ANOS1: variants seen among roughly 807,000 people sequenced by gnomAD.
ANOS1 encodes anosmin-1.
A neutral mutation model predicts 59.0 loss-of-function variants in ANOS1; 6 were observed. The ratio of observed to expected loss-of-function variants is 0.10; its 90% CI spans 0.06 to 0.20. The LOEUF is 0.20. Ranked by LOEUF, ANOS1 falls within the 10% of genes least tolerant of loss-of-function variation. The pLI, the probability that ANOS1 is intolerant of heterozygous loss-of-function variation, is 1.00. For missense variants in ANOS1, 433 were observed against 542.3 expected (o/e 0.80, Z 2.00); for synonymous variants, 217 against 223.4 (o/e 0.97, Z 0.25).
chrX:8,666,684 C>T (rs1358262407), intron 2 of ANOS1, among the ~76,000 whole-genome samples: 3 of 112,308 alleles, frequency 2.7e-5, no homozygotes, highest in Non-Finnish European at 5.6e-5. Context: ...GCTCCACATT[C>T]CCCACATGCC....
At chrX:8,724,325 C>T (rs1382988699) in intron 1 of ANOS1, among the ~76,000 whole-genome samples, 2 of 111,406 alleles carry the variant, frequency 1.8e-5, no homozygotes, top group Non-Finnish European at 3.8e-5. Context: ...TGGGGTTTCT[C>T]GGACATGAGG....
chrX:8,629,461 TAA>T (rs1016457180), intron 2 of ANOS1, among the ~76,000 whole-genome samples: 13 of 111,448 alleles, frequency 1.2e-4, no homozygotes, highest in African/African-American at 4.2e-4. Flanking sequence ...ACAATGTATA[TAA>T]AAGATATCTG....
At chrX:8,583,122 CTTTT>C (rs35726224) in intron 6 of ANOS1, among the ~76,000 whole-genome samples, 1 of 95,791 alleles carries the variant, frequency 1.0e-5, no homozygotes, top group South Asian at 5.0e-4. Context: ...TGCTTTTGGC[CTTTT>C]TTTTTTTTTT....
intron 9 of ANOS1, among the ~76,000 whole-genome samples, chrX:8,551,919 G>A (rs763138762): frequency 8.9e-5 from 10 of 112,680 alleles, no homozygotes; most frequent in Non-Finnish European, 1.7e-4. Flanking sequence ...GTTGCAGTGA[G>A]CTGAGATCGT....
intron 2 of ANOS1, among the ~76,000 whole-genome samples, chrX:8,627,292 C>T (rs894918202): frequency 1.8e-5 from 2 of 112,422 alleles, no homozygotes; most frequent in African/African-American, 3.2e-5. Context: ...CTATAGATAT[C>T]GGTGCACAAA....
At chrX:8,655,508 C>T (rs1023448963) in intron 2 of ANOS1, among the ~76,000 whole-genome samples, 6 of 111,333 alleles carry the variant, frequency 5.4e-5, no homozygotes, top group Non-Finnish European at 7.5e-5. Context: ...ATTAGGGGTC[C>T]GAGGCCCTAG....
At chrX:8,579,416 T>A (rs1437795650) in intron 6 of ANOS1, among the ~76,000 whole-genome samples, 2 of 112,443 alleles carry the variant, frequency 1.8e-5, no homozygotes, top group Non-Finnish European at 1.9e-5. Context: ...ATTAACTTTG[T>A]ACCATAGAGG....
chrX:8,650,490 G>A (rs1038452708), intron 2 of ANOS1, among the ~76,000 whole-genome samples: 11 of 112,078 alleles, frequency 9.8e-5, no homozygotes, highest in Non-Finnish European at 1.9e-4. Flanking sequence ...GGCCAAGGTG[G>A]GCGGATCACT....
chrX:8,554,219 G>A (rs748303459), intron 8 of ANOS1, 121 bp from the exon 9 acceptor site: 32 of 567,467 alleles, frequency 5.6e-5, no homozygotes, highest in South Asian at 5.4e-4. Context: ...CAGAAGGCGG[G>A]TGATTTCTCT....
At chrX:8,548,969 T>A (rs764960387) in intron 9 of ANOS1, among the ~76,000 whole-genome samples, 1 of 111,962 alleles carries the variant, frequency 8.9e-6, no homozygotes, top group African/African-American at 3.2e-5. Flanking sequence ...CTAGTTTACC[T>A]CCGTCACATG....
At chrX:8,638,991 G>C (rs1601997758) in intron 2 of ANOS1, among the ~76,000 whole-genome samples, 1 of 111,348 alleles carries the variant, frequency 9.0e-6, no homozygotes, top group East Asian at 2.8e-4. Flanking sequence ...AGAGAGAAAG[G>C]ACCTAGCTTT....
At chrX:8,707,103 T>C (rs1187238019) in intron 1 of ANOS1, among the ~76,000 whole-genome samples, 1 of 111,612 alleles carries the variant, frequency 9.0e-6, no homozygotes, top group Non-Finnish European at 1.9e-5. Context: ...GTGCAAATTA[T>C]GTGTGTTGTT....
chrX:8,661,899 T>A (rs1303778122), intron 2 of ANOS1, among the ~76,000 whole-genome samples: 1 of 110,637 alleles, frequency 9.0e-6, no homozygotes, highest in Non-Finnish European at 1.9e-5. Context: ...CAGGAGCACA[T>A]CCTCTCGGGG....
chrX:8,659,298 C>T (rs1165738310), intron 2 of ANOS1, among the ~76,000 whole-genome samples: 1 of 110,568 alleles, frequency 9.0e-6, no homozygotes, highest in African/African-American at 3.3e-5. Context: ...GTAGTCTCAG[C>T]TACTCTGGAG....
At position 8,732,093 on chromosome X, in the gene ANOS1, C is replaced by G. The variant is rs1040867318; in HGVS notation, c.-57G>C. 8.3e-6 allele frequency: 7 copies of G among 845,835 alleles called. No individual in the cohort carries two copies. The highest frequency in any genetic ancestry group is 5.2e-4 in the Middle Eastern group (1 of 1,914). The allele number at this position is 845,835 out of a possible 1,213,427, so 69.7% of individuals were successfully genotyped here. A position where few individuals can be genotyped will look rare whatever the true frequency, so the allele number is the denominator to read the frequency against. On this transcript the variant is annotated 5_prime_UTR_variant, in exon 1 of 14. Transcript: ENST00000262648. Reference sequence around the variant, plus strand: ...CGGGCGCGGGCCGAGGCTCCCTGCTCCGCGCCGGGGCTGCACTGCTGAGGA... The same window carrying G: ...CGGGCGCGGGCCGAGGCTCCCTGCTGCGCGCCGGGGCTGCACTGCTGAGGA...
chrX:8,722,142 G>A (rs1482786375), intron 1 of ANOS1, among the ~76,000 whole-genome samples: 1 of 112,144 alleles, frequency 8.9e-6, no homozygotes, highest in East Asian at 2.8e-4. Context: ...CTCATCTTTG[G>A]AATTGTAACA....
intron 7 of ANOS1, among the ~76,000 whole-genome samples, chrX:8,569,436 A>G (rs1297337273): frequency 8.9e-6 from 1 of 112,190 alleles, no homozygotes; most frequent in Non-Finnish European, 1.9e-5. Flanking sequence ...AGGTCAGGAG[A>G]TAGAGATCAT....
chrX:8,588,918 A>G, intron 4 of ANOS1, among the ~76,000 whole-genome samples: 1 of 112,832 alleles, frequency 8.9e-6, no homozygotes, highest in Non-Finnish European at 1.9e-5. Flanking sequence ...ATTACCATTA[A>G]TAGCATTTTC....
rs1470323320 is a variant in ANOS1 at position 8,529,233 on chromosome X, A to G, written c.*3762T>C. ...TCCGTAAATCATATAACTCACTAGA[A>G]TATTCAGTAGAGGTAAGACAGTCAT... On this transcript the variant is annotated 3_prime_UTR_variant, in exon 14 of 14. Transcript: ENST00000262648. 2 of 111,782 alleles carry G rather than the reference A, an allele frequency of 1.8e-5. No homozygotes were observed. The allele number at this position is 111,782 out of a possible 1,213,427, so 9.2% of individuals were successfully genotyped here.
Sources: allele counts gnomAD v4.1 joint callset (sites outside exome capture counted in the v4.1 genomes callset), GRCh38; gene constraint gnomAD v4.1.1; transcripts MANE v1.5; gene names NCBI Gene and HGNC (gene_info 2026-07-23, HGNC 2026-07-21).